The following GPR158 variants were observed in gnomAD, a reference collection of about 807,000 sequenced individuals.
GPR158 encodes G protein-coupled receptor 158.
A neutral mutation model predicts 78.2 loss-of-function variants in GPR158; 30 were observed. The ratio of observed to expected loss-of-function variants is 0.38; its 90% CI spans 0.29 to 0.52. GPR158 has a LOEUF of 0.52. Ranked by LOEUF, GPR158 falls within the 20% of genes least tolerant of loss-of-function variation. The pLI, the probability that GPR158 is intolerant of heterozygous loss-of-function variation, is 0.83. For missense variants in GPR158, 1,463 were observed against 1,523.5 expected, an observed-to-expected ratio of 0.96 and a Z score of 0.66; for synonymous variants, 581 against 591.1, an observed-to-expected ratio of 0.98 and a Z score of 0.25.
At chr10:25,214,352 T>C (rs2130673971) in intron 1 of GPR158, among the ~76,000 whole-genome samples, 1 of 152,276 alleles carries the variant, frequency 6.6e-6, no homozygotes, top group African/African-American at 2.4e-5. Context: ...AACTAGAAAG[T>C]TTTTAAAGCT....
intron 4 of GPR158, among the ~76,000 whole-genome samples, chr10:25,449,276 T>C (rs1835182684): frequency 6.6e-6 from 1 of 152,216 alleles, no homozygotes; most frequent in African/African-American, 2.4e-5. Flanking sequence ...ATAGCTCTTA[T>C]TTTTTTCTTA....
chr10:25,568,928 T>A (rs1312276011), intron 6 of GPR158, among the ~76,000 whole-genome samples: 2 of 152,180 alleles, frequency 1.3e-5, no homozygotes, highest in East Asian at 1.9e-4. Context: ...GTCCAATGAT[T>A]TGAATTTTTT....
intron 4 of GPR158, among the ~76,000 whole-genome samples, chr10:25,424,332 T>G (rs1834791030): frequency 6.6e-6 from 1 of 152,232 alleles, no homozygotes; most frequent in African/African-American, 2.4e-5. Context: ...GTAGGTTGCC[T>G]GTTCACTCTG....
intron 5 of GPR158, among the ~76,000 whole-genome samples, chr10:25,484,038 C>T (rs529806506): frequency 3.9e-5 from 6 of 152,264 alleles, no homozygotes; most frequent in Admixed American, 6.5e-5. Context: ...TCCCTATGGG[C>T]TTATAGAAAA....
chr10:25,331,695 C>T (rs1170883654), intron 2 of GPR158, among the ~76,000 whole-genome samples: 1 of 152,210 alleles, frequency 6.6e-6, no homozygotes, highest in African/African-American at 2.4e-5. Context: ...TGGCCTCTCT[C>T]ACCCCAGTCA....
intron 6 of GPR158, among the ~76,000 whole-genome samples, chr10:25,554,214 T>C (rs951076954): frequency 3.3e-5 from 5 of 152,144 alleles, no homozygotes; most frequent in African/African-American, 1.2e-4. Flanking sequence ...TTCATTTTTA[T>C]AGGAATTCCA....
At chr10:25,466,539 A>T in intron 4 of GPR158, 112 bp from the exon 5 acceptor site, 2 of 606,258 alleles carry the variant, frequency 3.3e-6, no homozygotes, top group South Asian at 4.8e-5. Flanking sequence ...TAATTTATTT[A>T]ATTTCCCCCA....
At chr10:25,402,442 G>A (rs941608139) in intron 3 of GPR158, among the ~76,000 whole-genome samples, 1 of 152,036 alleles carries the variant, frequency 6.6e-6, no homozygotes, top group Non-Finnish European at 1.5e-5. Flanking sequence ...TGTATTAGAT[G>A]ATAATATTGT....
chr10:25,450,945 A>G (rs1194109530), intron 4 of GPR158, among the ~76,000 whole-genome samples: 1 of 150,686 alleles, frequency 6.6e-6, no homozygotes, highest in African/African-American at 2.5e-5. Context: ...TTTCTAAAAA[A>G]TCCTTGGAAC....
chr10:25,473,624 A>G (rs1411511010), intron 5 of GPR158, among the ~76,000 whole-genome samples: 2 of 152,098 alleles, frequency 1.3e-5, no homozygotes, highest in South Asian at 2.1e-4. Context: ...TATTGCCTCA[A>G]TTTCAGAGCC....
At chr10:25,184,715 G>A (rs1394585289) in intron 1 of GPR158, among the ~76,000 whole-genome samples, 1 of 152,192 alleles carries the variant, frequency 6.6e-6, no homozygotes, top group Non-Finnish European at 1.5e-5. Context: ...ACTAATAATA[G>A]AAGGGAATAG....
At position 25,316,911 on chromosome 10, in the gene GPR158, TTATG is replaced by T. The variant is rs1428603002; in HGVS notation, c.1009-78998_1009-78995del. ...TTTGTGTGTGTGTGTGTGTGTGTGTTTATGTGTGTGTGTATGTGTGTGTATATAT... is the reference window on the plus strand; with the variant it reads ...TTTGTGTGTGTGTGTGTGTGTGTGTTTGTGTGTGTATGTGTGTGTATATAT... On this transcript the variant is annotated intron_variant, in intron 2 of 10. Transcript: ENST00000376351. Among the ~76,000 whole-genome samples, 121 of 79,690 alleles carry T rather than the reference TTATG, an allele frequency of 1.5e-3. 1 individual carries two copies. The highest frequency in any genetic ancestry group is 0.012 in the African/African-American group (117 of 9,464). The allele number at this position is 79,690 out of a possible 152,430, so 52.3% of individuals were successfully genotyped here.
intron 4 of GPR158, among the ~76,000 whole-genome samples, chr10:25,459,834 T>A (rs558583922): frequency 3.3e-4 from 50 of 152,214 alleles, no homozygotes; most frequent in Non-Finnish European, 2.6e-4. Context: ...TAATTTGACA[T>A]ATTTTTTTGT....
At chr10:25,398,395 G>A (rs960544355) in intron 3 of GPR158, among the ~76,000 whole-genome samples, 4 of 152,214 alleles carry the variant, frequency 2.6e-5, no homozygotes, top group Non-Finnish European at 4.4e-5. Context: ...CACGTTTATG[G>A]TCCAGACATA....
chr10:25,597,832 A>G lies in GPR158; in HGVS notation c.2206A>G (p.Asn736Asp). 1 of 1,531,580 alleles carries G rather than the reference A, an allele frequency of 6.5e-7. No homozygotes were observed. The allele number at this position is 1,531,580 out of a possible 1,614,324, so 94.9% of individuals were successfully genotyped here. A position where few individuals can be genotyped will look rare whatever the true frequency, so the allele number is the denominator to read the frequency against. ...ATATAAAAGAAAGAAGATGATCACA[A>G]ACAACCCCCACCTCCAGAAAAAGCG... Reference protein sequence around the residue: ...EIYKRKKMITNNPHLQKKRCS... With the variant: ...EIYKRKKMITDNPHLQKKRCS... Residue 736 changes from asparagine to aspartate, a missense_variant, in exon 11 of 11, where the codon AAC becomes GAC. Transcript: ENST00000376351.
chr10:25,435,238 A>G lies in GPR158; in HGVS notation c.1335+22765A>G, dbSNP rs559475885. 8.9e-4 allele frequency among the ~76,000 whole-genome samples: 136 copies of G among 152,300 alleles called. 1 individual carries two copies. Among genetic ancestry groups the G allele is most frequent in the South Asian group, 5.6e-3 (27 of 4,832 alleles). On this transcript the variant is annotated intron_variant, in intron 4 of 10. Coordinates refer to ENST00000376351, the MANE Select transcript of GPR158 (RefSeq NM_020752.3). ...GAGTTCATAATCTTGTAGGGGTGTA[A>G]AGACAAGTGAGTATATAAATTAATA...
chr10:25,427,602 C>T (rs1388018603), intron 4 of GPR158, among the ~76,000 whole-genome samples: 2 of 151,944 alleles, frequency 1.3e-5, no homozygotes, highest in East Asian at 3.9e-4. Context: ...TACATAATTT[C>T]AATTTTGGAA....
At chr10:25,559,009 C>G (rs1282884064) in intron 6 of GPR158, among the ~76,000 whole-genome samples, 3 of 151,978 alleles carry the variant, frequency 2.0e-5, no homozygotes, top group Non-Finnish European at 4.4e-5. Context: ...CTTCGATATC[C>G]CTACTCATTA....
intron 5 of GPR158, among the ~76,000 whole-genome samples, chr10:25,478,761 A>C (rs1321552339): frequency 6.6e-6 from 1 of 151,708 alleles, no homozygotes; most frequent in Non-Finnish European, 1.5e-5. Flanking sequence ...CGTCATTTAC[A>C]TTAGGTATAT....
Sources: gnomAD v4.1 joint callset for allele counts (sites outside exome capture counted in the v4.1 genomes callset) on GRCh38, gnomAD v4.1.1 for gene constraint, MANE v1.5 for transcripts, NCBI Gene and HGNC (gene_info 2026-07-23, HGNC 2026-07-21) for gene names.